SPATA16: variants seen among roughly 807,000 people sequenced by gnomAD.
The protein encoded by SPATA16 is spermatogenesis associated 16.
SPATA16 carries 36 observed loss-of-function variants against 63.3 expected under a neutral mutation model. That is an observed-to-expected ratio of 0.57 (90% CI 0.44 to 0.75). The LOEUF (loss-of-function observed/expected upper bound fraction) is 0.75. SPATA16 is among the 30% of genes least tolerant of loss of function. The pLI is 0.00. For missense variants in SPATA16, 646 were observed against 679.3 expected, an observed-to-expected ratio of 0.95 and a Z score of 0.54; for synonymous variants, 203 against 216.7, an observed-to-expected ratio of 0.94 and a Z score of 0.56.
At chr3:173,001,417 T>G (rs910058845) in intron 4 of SPATA16, among the ~76,000 whole-genome samples, 1 of 152,154 alleles carries the variant, frequency 6.6e-6, no homozygotes, top group Non-Finnish European at 1.5e-5. Context: ...CAGGCCTTGT[T>G]AAAGAACAGA....
chr3:172,973,838 G>A (rs1734097215), intron 5 of SPATA16, among the ~76,000 whole-genome samples: 1 of 152,174 alleles, frequency 6.6e-6, no homozygotes, highest in Non-Finnish European at 1.5e-5. Context: ...TTGTGGTGAG[G>A]TCTCCAGGTG....
intron 3 of SPATA16, among the ~76,000 whole-genome samples, chr3:173,040,861 A>G (rs1027076213): frequency 6.6e-6 from 1 of 152,132 alleles, no homozygotes; most frequent in African/African-American, 2.4e-5. Flanking sequence ...TGGGTGTTCA[A>G]TGAATGCTTG....
At chr3:173,096,252 G>A (rs117589499) in intron 2 of SPATA16, among the ~76,000 whole-genome samples, 1 of 152,228 alleles carries the variant, frequency 6.6e-6, no homozygotes, top group East Asian at 1.9e-4. Context: ...TCTAATGCAA[G>A]TTTGTAACTA....
intron 6 of SPATA16, among the ~76,000 whole-genome samples, chr3:172,932,088 A>G (rs1029133889): frequency 6.6e-6 from 1 of 152,184 alleles, no homozygotes; most frequent in Non-Finnish European, 1.5e-5. Context: ...TGTATTTGTT[A>G]TGTAGTTAAA....
At chr3:173,070,453 A>G (rs1736644516) in intron 2 of SPATA16, among the ~76,000 whole-genome samples, 2 of 152,102 alleles carry the variant, frequency 1.3e-5, no homozygotes, top group Non-Finnish European at 1.5e-5. Context: ...ATAGTACTAG[A>G]AGCCCTAGTC....
chr3:173,039,527 A>C (rs774650277), intron 3 of SPATA16, among the ~76,000 whole-genome samples: 26 of 152,144 alleles, frequency 1.7e-4, no homozygotes, highest in Non-Finnish European at 3.2e-4. Context: ...GTTTCATAAC[A>C]ATACCACTCC....
At chr3:173,048,827 G>A in intron 3 of SPATA16, 122 bp downstream of exon 3, 1 of 1,279,456 alleles carries the variant, frequency 7.8e-7, no homozygotes, top group South Asian at 1.3e-5. Context: ...AAAACAAGCA[G>A]TAAATAAATG....
At chr3:173,053,811 A>G (rs911120871) in intron 2 of SPATA16, among the ~76,000 whole-genome samples, 5 of 152,280 alleles carry the variant, frequency 3.3e-5, no homozygotes, top group African/African-American at 1.2e-4. Flanking sequence ...AATGTCTACA[A>G]ATAAGGATAT....
chr3:172,978,456 A>C (rs182060966), intron 4 of SPATA16, among the ~76,000 whole-genome samples: 23 of 152,196 alleles, frequency 1.5e-4, no homozygotes, highest in Admixed American at 7.9e-4. Context: ...AAGAAAGTTT[A>C]CTCGACATGG....
chr3:173,097,763 A>G (rs1433401227), intron 2 of SPATA16, among the ~76,000 whole-genome samples: 2 of 152,208 alleles, frequency 1.3e-5, no homozygotes, highest in African/African-American at 4.8e-5. Flanking sequence ...ACCTCTGCCA[A>G]TGAAGAAGCT....
At chr3:173,124,723 T>C (rs1298446311) in intron 1 of SPATA16, among the ~76,000 whole-genome samples, 4 of 152,194 alleles carry the variant, frequency 2.6e-5, no homozygotes, top group Non-Finnish European at 5.9e-5. Flanking sequence ...ACTCTCTGTT[T>C]AATGGAACAC....
Position 172,997,887 on chromosome 3 carries a change from C to T in SPATA16, c.849-20835G>A, listed in dbSNP as rs551200731. On this transcript the variant is annotated intron_variant, in intron 4 of 10. Transcript: ENST00000351008. The stretch of plus-strand genomic sequence containing the variant: ...CTCCATTGTATTGCTTTGGCTCTTT[C>T]GGATTAAAGATCAGTTGACTATATT... Among the ~76,000 whole-genome samples, 141 of 152,144 alleles carry T rather than the reference C, an allele frequency of 9.3e-4. 1 individual carries two copies. Among genetic ancestry groups the T allele is most frequent in the African/African-American group, 3.2e-3 (134 of 41,524 alleles).
chr3:173,036,636 G>A (rs534396168), intron 3 of SPATA16, among the ~76,000 whole-genome samples: 2 of 151,942 alleles, frequency 1.3e-5, no homozygotes, highest in African/African-American at 4.8e-5. Flanking sequence ...AAGTCTTGGT[G>A]TAGTATCAAA....
intron 5 of SPATA16, among the ~76,000 whole-genome samples, chr3:172,965,698 C>G (rs1733902547): frequency 6.6e-6 from 1 of 151,714 alleles, no homozygotes; most frequent in Non-Finnish European, 1.5e-5. Flanking sequence ...ATGGCGCGAT[C>G]TCGGCTCACT....
At position 172,994,418 on chromosome 3, in the gene SPATA16, A is replaced by G. The variant is rs549415630; in HGVS notation, c.849-17366T>C. ...GCAGATAGGTCCTGAGAAGGGCTTC[A>G]GAGGTGACCAAAGAGGAAAAAGCTA... On this transcript the variant is annotated intron_variant, in intron 4 of 10. Coordinates refer to ENST00000351008, the MANE Select transcript of SPATA16 (RefSeq NM_031955.6). 9.2e-5 allele frequency among the ~76,000 whole-genome samples: 14 copies of G among 152,290 alleles called. No homozygotes were observed. The East Asian group carries it at 2.7e-3, about 29-fold the overall frequency.
intron 5 of SPATA16, among the ~76,000 whole-genome samples, chr3:172,968,348 C>A (rs569647842): frequency 6.6e-6 from 1 of 152,268 alleles, no homozygotes; most frequent in East Asian, 1.9e-4. Flanking sequence ...AGGCAAAAAA[C>A]CTCCAGAGAG....
intron 2 of SPATA16, among the ~76,000 whole-genome samples, chr3:173,102,564 G>A (rs527296064): frequency 2.2e-4 from 34 of 152,156 alleles, no homozygotes; most frequent in Middle Eastern, 3.4e-3. Context: ...TTTAAACAAC[G>A]AGATCTCATG....
intron 4 of SPATA16, among the ~76,000 whole-genome samples, chr3:172,994,861 C>T (rs1271701961): frequency 1.3e-5 from 2 of 151,944 alleles, no homozygotes; most frequent in African/African-American, 4.8e-5. Context: ...ATTAATTAAT[C>T]CCTTATGTTA....
intron 10 of SPATA16, among the ~76,000 whole-genome samples, chr3:172,913,287 T>A (rs1377143256): frequency 6.6e-6 from 1 of 152,176 alleles, no homozygotes; most frequent in Non-Finnish European, 1.5e-5. Context: ...TGAAATGTAG[T>A]CATTATTCCT....
Sources: gnomAD v4.1 joint callset for allele counts (sites outside exome capture counted in the v4.1 genomes callset) on GRCh38, gnomAD v4.1.1 for gene constraint, MANE v1.5 for transcripts, NCBI Gene and HGNC (gene_info 2026-07-23, HGNC 2026-07-21) for gene names.